The following ATRNL1 variants were observed in gnomAD, a reference collection of about 807,000 sequenced individuals.
The protein encoded by ATRNL1 is attractin-like protein 1.
A neutral mutation model predicts 182.7 loss-of-function variants in ATRNL1; 95 were observed. The ratio of observed to expected loss-of-function variants is 0.52; its 90% confidence interval spans 0.44 to 0.62. The LOEUF (loss-of-function observed/expected upper bound fraction) is 0.62, where lower values mean the gene tolerates loss of function less well. ATRNL1 is among the 20% of genes least tolerant of loss of function. ATRNL1 has a pLI of 0.00. For synonymous variants in ATRNL1, 576 were observed against 568.3 expected, an observed-to-expected ratio of 1.01 and a Z score of -0.19; for missense variants, 1,471 against 1,679.5, an observed-to-expected ratio of 0.88 and a Z score of 2.17.
At chr10:115,431,401 T>TAAAAAAAAAA (rs3981285) in intron 21 of ATRNL1, among the ~76,000 whole-genome samples, 3 of 110,838 alleles carry the variant, frequency 2.7e-5, no homozygotes, top group Admixed American at 1.0e-4. Flanking sequence ...AGAGTGAAAC[T>TAAAAAAAAAA]AAAAAAAAAA....
chr10:115,242,953 C>T (rs1336852346), intron 10 of ATRNL1, among the ~76,000 whole-genome samples: 2 of 151,966 alleles, frequency 1.3e-5, no homozygotes, highest in Non-Finnish European at 2.9e-5. Flanking sequence ...AGTACTGAAT[C>T]TAGGCTGGCA....
chr10:115,560,628 A>C (rs1310707816), intron 26 of ATRNL1, among the ~76,000 whole-genome samples: 1 of 152,220 alleles, frequency 6.6e-6, no homozygotes, highest in African/African-American at 2.4e-5. Flanking sequence ...TACTTATCCA[A>C]ATACTAGGTA....
intron 5 of ATRNL1, among the ~76,000 whole-genome samples, chr10:115,150,880 C>G (rs1428076461): frequency 6.6e-6 from 1 of 152,162 alleles, no homozygotes; most frequent in Non-Finnish European, 1.5e-5. Flanking sequence ...CTGCTCCCCC[C>G]ACCCCACGAC....
At chr10:115,769,444 G>T (rs782376565) in intron 27 of ATRNL1, among the ~76,000 whole-genome samples, 13 of 152,084 alleles carry the variant, frequency 8.5e-5, no homozygotes, top group Non-Finnish European at 1.8e-4. Flanking sequence ...TATATTTATG[G>T]AGCCAAACAG....
Position 115,886,561 on chromosome 10 carries a change from ATGT to A in ATRNL1, c.4018+38578_4018+38580del, listed in dbSNP as rs535601367. Among the ~76,000 whole-genome samples the A allele has an allele frequency of 6.6e-3, 1,000 of 152,274 alleles. 12 individuals are homozygous for A. The highest frequency in any genetic ancestry group is 0.022 in the African/African-American group (912 of 41,552). The stretch of plus-strand genomic sequence containing the variant: ...CAAAAACATTAGTAACTCTAAATTA[ATGT>A]TGTTGTTTTGAATGTCATGTGATTT... On this transcript the variant is annotated intron_variant, in intron 28 of 28. Coordinates refer to ENST00000355044, the MANE Select transcript of ATRNL1 (RefSeq NM_207303.4).
At chr10:115,155,343 AT>A (rs1262496714) in intron 5 of ATRNL1, among the ~76,000 whole-genome samples, 3 of 152,152 alleles carry the variant, frequency 2.0e-5, no homozygotes, top group Non-Finnish European at 2.9e-5. Flanking sequence ...ATTATACTTA[AT>A]TTTTTTGTGT....
intron 25 of ATRNL1, among the ~76,000 whole-genome samples, chr10:115,548,724 C>T (rs1554994592): frequency 6.6e-6 from 1 of 152,136 alleles, no homozygotes; most frequent in Admixed American, 6.6e-5. Context: ...CATGTATGAA[C>T]ATTGTAACTG....
At chr10:115,916,682 A>C (rs1370769831) in intron 28 of ATRNL1, among the ~76,000 whole-genome samples, 1 of 152,126 alleles carries the variant, frequency 6.6e-6, no homozygotes, top group Non-Finnish European at 1.5e-5. Context: ...TCTTTAGGAG[A>C]GAGATCCCGA....
chr10:115,894,775 C>G (rs1555112107), intron 28 of ATRNL1, among the ~76,000 whole-genome samples: 1 of 152,150 alleles, frequency 6.6e-6, no homozygotes, highest in Non-Finnish European at 1.5e-5. Flanking sequence ...TCTGTTTGTA[C>G]AAAGGCAACC....
At chr10:115,798,944 A>G (rs1555083685) in intron 27 of ATRNL1, among the ~76,000 whole-genome samples, 2 of 150,136 alleles carry the variant, frequency 1.3e-5, no homozygotes. Flanking sequence ...CTCCTGCCTC[A>G]GCCTCCCCAG....
At chr10:115,762,453 C>A (rs1375434695) in intron 27 of ATRNL1, among the ~76,000 whole-genome samples, 2 of 152,056 alleles carry the variant, frequency 1.3e-5, no homozygotes, top group East Asian at 1.9e-4. Flanking sequence ...ATTAAGAATT[C>A]ATTGATGGAA....
intron 28 of ATRNL1, among the ~76,000 whole-genome samples, chr10:115,849,612 A>G (rs1951007541): frequency 1.3e-5 from 2 of 152,206 alleles, no homozygotes; most frequent in Admixed American, 6.6e-5. Flanking sequence ...TTAGATATGC[A>G]TAGTACTTTA....
At chr10:115,817,436 A>G (rs1950190477) in intron 27 of ATRNL1, among the ~76,000 whole-genome samples, 2 of 152,224 alleles carry the variant, frequency 1.3e-5, no homozygotes, top group South Asian at 4.1e-4. Flanking sequence ...ATTAAGCACT[A>G]AGTATAAAAT....
At chr10:115,695,583 T>G (rs1004743779) in intron 26 of ATRNL1, among the ~76,000 whole-genome samples, 3 of 152,156 alleles carry the variant, frequency 2.0e-5, no homozygotes, top group African/African-American at 7.2e-5. Flanking sequence ...TGCACATTCA[T>G]GATGTTGATA....
At position 115,944,840 on chromosome 10, in the gene ATRNL1, T is replaced by C; in HGVS notation, c.*61T>C. 6.5e-7 allele frequency: 1 copy of C among 1,532,132 alleles called. No individual in the cohort carries two copies. The highest frequency in any genetic ancestry group is 1.9e-5 in the Admixed American group (1 of 52,904). 94.9% of individuals were successfully genotyped at this position (1,532,132 alleles called of 1,614,324 possible). On this transcript the variant is annotated 3_prime_UTR_variant, in exon 29 of 29. Transcript: ENST00000355044. ...TTACTTCGGGCTTCTGTTAAAGCTG[T>C]TCTATGGCCTTGGATTTTATGGAGG... is the stretch of plus-strand genomic sequence containing the variant.
Position 115,944,710 on chromosome 10 carries a change from T to C in ATRNL1, c.4071T>C (p.Asp1357=). The C allele has an allele frequency of 6.2e-7, 1 of 1,613,706 alleles. No individual in the cohort carries two copies. The highest frequency in any genetic ancestry group is 8.5e-7 in the Non-Finnish European group (1 of 1,179,710). The stretch of plus-strand genomic sequence containing the variant: ...ATATTTCACAACAGAAAGCTTCAGA[T>C]AGTAAAGATAAGACTTCTGGAGTCC... The part of the protein sequence containing the change: ...LIDISQQKAS[D]SKDKTSGVRN... The change falls in exon 29 of 29, where the codon GAT becomes GAC. Residue 1357 remains aspartate, a synonymous_variant. Transcript: ENST00000355044.
intron 19 of ATRNL1, among the ~76,000 whole-genome samples, chr10:115,349,856 C>A (rs1275115101): frequency 6.6e-6 from 1 of 152,160 alleles, no homozygotes; most frequent in African/African-American, 2.4e-5. Flanking sequence ...GGTTATTAAT[C>A]CCTTGTCATA....
chr10:115,699,204 T>C (rs1946657372), intron 26 of ATRNL1, among the ~76,000 whole-genome samples: 1 of 152,098 alleles, frequency 6.6e-6, no homozygotes, highest in African/African-American at 2.4e-5. Flanking sequence ...TCTAAGAAGA[T>C]TCAGTGTAGT....
intron 8 of ATRNL1, among the ~76,000 whole-genome samples, chr10:115,214,458 A>G (rs7902966): frequency 0.025 from 3,778 of 152,136 alleles, 156 homozygotes; most frequent in African/African-American, 0.086. Flanking sequence ...CTTAACATAG[A>G]TTAAGTACCA....
Sources: gnomAD v4.1 joint callset for allele counts (sites outside exome capture counted in the v4.1 genomes callset) on GRCh38, gnomAD v4.1.1 for gene constraint, MANE v1.5 for transcripts, NCBI Gene and HGNC (gene_info 2026-07-23, HGNC 2026-07-21) for gene names.